Variants in PI4KA observed in about 807,000 individuals in gnomAD.
The protein encoded by PI4KA is PI4-kinase alpha.
PI4KA carries 122 observed loss-of-function variants against 271.4 expected under a neutral mutation model. That is an observed-to-expected ratio of 0.45 (90% CI 0.39 to 0.52). The LOEUF (loss-of-function observed/expected upper bound fraction) is 0.52, where lower values mean the gene tolerates loss of function less well. PI4KA is among the 20% of genes least tolerant of loss of function. PI4KA has a pLI of 0.00. For synonymous variants in PI4KA, 1,041 were observed against 1,078.8 expected (o/e 0.96, Z 0.69); for missense variants, 1,969 against 2,769.1 (o/e 0.71, Z 6.48).
At chr22:20,835,086 T>C (rs1170813028) in intron 2 of PI4KA, among the ~76,000 whole-genome samples, 2 of 152,024 alleles carry the variant, frequency 1.3e-5, no homozygotes, top group African/African-American at 4.8e-5. Context: ...GCATCTCAAC[T>C]GGGTGATGCT....
chr22:20,799,776 A>G lies in PI4KA; in HGVS notation c.1725-10T>C, dbSNP rs1314332366. 2 of 1,535,750 alleles carry G rather than the reference A, an allele frequency of 1.3e-6. No homozygotes were observed. Among genetic ancestry groups the G allele is most frequent in the Non-Finnish European group, 1.8e-6 (2 of 1,133,886 alleles). Reference sequence around the variant, plus strand: ...TCCAGCCTTCAGGCACCTGAGGAGCAAGAAAACCCATGTGGCACTGAGGCA... The same window carrying G: ...TCCAGCCTTCAGGCACCTGAGGAGCGAGAAAACCCATGTGGCACTGAGGCA... On this transcript the variant is annotated splice_polypyrimidine_tract_variant and intron_variant, in intron 14 of 54. Coordinates refer to ENST00000255882, the MANE Select transcript of PI4KA (RefSeq NM_058004.4).
At chr22:20,727,634 C>T in intron 40 of PI4KA, 140 bp downstream of exon 40, 1 of 716,622 alleles carries the variant, frequency 1.4e-6, no homozygotes, top group Non-Finnish European at 2.3e-6. Flanking sequence ...ATAGAAAACA[C>T]AGGAAATCAG....
At chr22:20,751,578 G>T in intron 26 of PI4KA, 96 bp downstream of exon 26, 1 of 1,137,430 alleles carries the variant, frequency 8.8e-7, no homozygotes, top group Non-Finnish European at 1.3e-6. Flanking sequence ...CAGGCTTATT[G>T]TCAGAGAAGC....
chr22:20,771,639 T>C (rs996395149), intron 19 of PI4KA, among the ~76,000 whole-genome samples: 1 of 151,860 alleles, frequency 6.6e-6, no homozygotes, highest in African/African-American at 2.4e-5. Context: ...TGGAGTACAG[T>C]GGCATGAACT....
At chr22:20,811,230 T>C (rs566647084) in intron 8 of PI4KA, among the ~76,000 whole-genome samples, 198 bp from the exon 9 acceptor site, 1 of 152,352 alleles carries the variant, frequency 6.6e-6, no homozygotes, top group East Asian at 1.9e-4. Context: ...GGGACTGCTT[T>C]TCTACCTTAG....
At chr22:20,783,514 G>A (rs932245404) in intron 19 of PI4KA, among the ~76,000 whole-genome samples, 2 of 152,112 alleles carry the variant, frequency 1.3e-5, no homozygotes, top group Non-Finnish European at 2.9e-5. Flanking sequence ...TGGGGAGGGA[G>A]GCTGAGGCAG....
At chr22:20,818,682 A>G (rs376231228) in intron 6 of PI4KA, 133 bp from the exon 7 acceptor site, 189 of 577,928 alleles carry the variant, frequency 3.3e-4, no homozygotes, top group African/African-American at 2.8e-3. Context: ...TTTCCTTCCT[A>G]AAGCCCATCA....
chr22:20,846,362 TTA>T lies in PI4KA; in HGVS notation c.157-7633_157-7632del, dbSNP rs199983476. On this transcript the variant is annotated intron_variant, in intron 1 of 54. Transcript: ENST00000255882. ...TAAGAAAACTATTCCATGGTTAATT[TTA>T]TGTTATATGAACTTTATCTCAATTA... Among the ~76,000 whole-genome samples the T allele has an allele frequency of 2.3e-3, 355 of 151,878 alleles. 5 individuals carry two copies. In the East Asian group the frequency reaches 0.055, roughly 23 times the overall value.
intron 1 of PI4KA, 137 bp from the exon 2 acceptor site, chr22:20,838,868 G>T: frequency 1.7e-6 from 1 of 600,940 alleles, no homozygotes; most frequent in Non-Finnish European, 3.0e-6. Flanking sequence ...ACTTGAGTTG[G>T]GAGTTTGAGA....
intron 23 of PI4KA, among the ~76,000 whole-genome samples, chr22:20,753,862 A>G (rs1280075977): frequency 6.6e-6 from 1 of 151,818 alleles, no homozygotes; most frequent in East Asian, 1.9e-4. Flanking sequence ...AATTTTTTGT[A>G]TTTTTAGTAG....
At chr22:20,756,855 C>G (rs1045932460) in intron 23 of PI4KA, among the ~76,000 whole-genome samples, 1 of 152,166 alleles carries the variant, frequency 6.6e-6, no homozygotes, top group Non-Finnish European at 1.5e-5. Context: ...GTCTCAAACT[C>G]CTGACCTCAA....
intron 19 of PI4KA, among the ~76,000 whole-genome samples, chr22:20,772,278 C>T (rs772890377): frequency 5.3e-5 from 8 of 152,212 alleles, no homozygotes; most frequent in Admixed American, 4.6e-4. Context: ...GTGAGAGCAG[C>T]GGCCACCTGC....
intron 3 of PI4KA, among the ~76,000 whole-genome samples, chr22:20,829,866 T>C (rs1261276541): frequency 5.3e-5 from 8 of 152,236 alleles, no homozygotes; most frequent in Non-Finnish European, 4.4e-5. Flanking sequence ...TTCTCATTAA[T>C]TTCAAATAAT....
intron 29 of PI4KA, among the ~76,000 whole-genome samples, chr22:20,746,996 G>A (rs913715810): frequency 1.3e-5 from 2 of 152,218 alleles, no homozygotes; most frequent in Non-Finnish European, 2.9e-5. Flanking sequence ...CACATGGCCA[G>A]GCTCTAGATT....
In PI4KA at chr22:20,858,714, G is replaced by T. The variant is rs1927990764; in HGVS notation, c.12C>A (p.Ala4=). ...CTCCGCCTCCGCCTCCCCGGGCCGG[G>T]GCCGCCGCCATCACCTCACGAGCCG... MAA[A]PARGGGGGGG... Residue 4 remains alanine (A), a synonymous_variant, in exon 1 of 55, where the codon GCC becomes GCA. Coordinates refer to ENST00000255882, the MANE Select transcript of PI4KA (RefSeq NM_058004.4). The T allele has an allele frequency of 2.1e-6, 3 of 1,447,326 alleles. No individual in the cohort carries two copies. The highest frequency in any genetic ancestry group is 6.1e-5 in the East Asian group (2 of 33,028). 89.7% of individuals were successfully genotyped at this position (1,447,326 alleles called of 1,614,324 possible).
rs361914 is a variant in PI4KA at position 20,824,732 on chromosome 22, TCACACACACACA to T, written c.368-330_368-319del. ...TTATTCCCTAAGTAAATGTGATAAA[TCACACACACACA>T]CACACACACACACACACACACACAC... is the stretch of plus-strand genomic sequence containing the variant. On this transcript the variant is annotated intron_variant, in intron 3 of 54. Coordinates refer to ENST00000255882, the MANE Select transcript of PI4KA (RefSeq NM_058004.4). Among the ~76,000 whole-genome samples, 488 of 136,292 alleles carry T rather than the reference TCACACACACACA, an allele frequency of 3.6e-3. 3 individuals carry two copies. The highest frequency in any genetic ancestry group is 5.1e-3 in the Admixed American group (69 of 13,512). 89.4% of individuals were successfully genotyped at this position (136,292 alleles called of 152,430 possible).
chr22:20,742,282 C>G lies in PI4KA; in HGVS notation c.3687G>C (p.Thr1229=), dbSNP rs367823958. The change falls in exon 32 of 55, where the codon ACG becomes ACC. Residue 1229 remains threonine (T), a synonymous_variant. Transcript: ENST00000255882. ...LRMFNEHGME[T]ALACWEWLLA... ...GCAGCCACTCCCAGCAGGCCAGGGC[C>G]GTCTCCATGCCATGCTCATTGAACA... 6.2e-7 allele frequency: 1 copy of G among 1,614,182 alleles called. No homozygotes were observed. The highest frequency in any genetic ancestry group is 8.5e-7 in the Non-Finnish European group (1 of 1,180,030).
intron 42 of PI4KA, among the ~76,000 whole-genome samples, chr22:20,723,133 G>A (rs1272345853): frequency 6.6e-6 from 1 of 151,252 alleles, no homozygotes; most frequent in Non-Finnish European, 1.5e-5. Flanking sequence ...CCATTCTCCT[G>A]CCTCAGCCTC....
Position 20,713,209 on chromosome 22 carries a change from T to A in PI4KA, c.5571+72A>T. 3.7e-6 allele frequency: 4 copies of A among 1,066,916 alleles called. No individual in the cohort carries two copies. The East Asian group carries it at 1.0e-4, about 27-fold the overall frequency. The allele number at this position is 1,066,916 out of a possible 1,614,324, so 66.1% of individuals were successfully genotyped here. On this transcript the variant is annotated intron_variant, in intron 48 of 54. Coordinates refer to ENST00000255882, the MANE Select transcript of PI4KA (RefSeq NM_058004.4). ...CACATTTCTGCATATGAGATTGGAC[T>A]CTGGCGGGCCTGGAGCCTTGGGGAG...
Sources: allele counts gnomAD v4.1 joint callset (sites outside exome capture counted in the v4.1 genomes callset), GRCh38; gene constraint gnomAD v4.1.1; transcripts MANE v1.5; gene names NCBI Gene and HGNC (gene_info 2026-07-23, HGNC 2026-07-21).